Variants in TBC1D5 observed in about 807,000 individuals in gnomAD.
TBC1D5 encodes TBC1 domain family, member 5.
In TBC1D5, 75 loss-of-function variants were observed where a neutral mutation model predicts 100.3. That is an observed-to-expected ratio of 0.75 (90% CI 0.62 to 0.91). The LOEUF (loss-of-function observed/expected upper bound fraction) is 0.91, where lower values mean the gene tolerates loss of function less well. Among genes scored for constraint, TBC1D5 ranks in the 40% least tolerant of loss-of-function variants. The pLI, the probability that TBC1D5 is intolerant of heterozygous loss-of-function variation, is 0.00. For missense variants in TBC1D5, 910 were observed against 942.4 expected, an observed-to-expected ratio of 0.97 and a Z score of 0.45; for synonymous variants, 323 against 325.6, an observed-to-expected ratio of 0.99 and a Z score of 0.09.
chr3:17,384,498 T>C (rs1391422557), intron 8 of TBC1D5, among the ~76,000 whole-genome samples: 2 of 152,096 alleles, frequency 1.3e-5, no homozygotes, highest in Non-Finnish European at 2.9e-5. Flanking sequence ...CTTCTAAATA[T>C]TTATTTATAA....
intron 1 of TBC1D5, among the ~76,000 whole-genome samples, chr3:17,685,927 A>G (rs1359961488): frequency 2.0e-5 from 3 of 152,186 alleles, no homozygotes; most frequent in African/African-American, 7.2e-5. Context: ...TTCATTCACT[A>G]GTGGACAATG....
At chr3:17,331,801 A>G (rs982055995) in intron 13 of TBC1D5, among the ~76,000 whole-genome samples, 8 of 152,246 alleles carry the variant, frequency 5.3e-5, no homozygotes, top group African/African-American at 1.9e-4. Context: ...GTGGATAGAG[A>G]TGTTAAAGAA....
intron 2 of TBC1D5, among the ~76,000 whole-genome samples, chr3:17,516,272 C>CT (rs531539333): frequency 6.6e-6 from 1 of 152,078 alleles, no homozygotes; most frequent in Non-Finnish European, 1.5e-5. Flanking sequence ...CAAAAACATA[C>CT]TTTTTTATTA....
intron 3 of TBC1D5, among the ~76,000 whole-genome samples, chr3:17,433,198 G>A (rs2094475023): frequency 6.6e-6 from 1 of 152,204 alleles, no homozygotes; most frequent in Admixed American, 6.5e-5. Context: ...GACACAAGGT[G>A]CCTTTCTCTG....
At chr3:17,421,871 A>T (rs1360807798) in intron 4 of TBC1D5, among the ~76,000 whole-genome samples, 1 of 152,188 alleles carries the variant, frequency 6.6e-6, no homozygotes, top group Admixed American at 6.5e-5. Context: ...TCTTAAGAAC[A>T]TCTTAACATT....
chr3:17,181,561 G>A (rs2125438883), intron 19 of TBC1D5, among the ~76,000 whole-genome samples: 1 of 152,300 alleles, frequency 6.6e-6, no homozygotes, highest in South Asian at 2.1e-4. Flanking sequence ...GACAGGGCCT[G>A]GGTTCAACCC....
At chr3:17,461,000 T>C (rs1206435935) in intron 3 of TBC1D5, among the ~76,000 whole-genome samples, 2 of 152,160 alleles carry the variant, frequency 1.3e-5, no homozygotes, top group Non-Finnish European at 2.9e-5. Flanking sequence ...AAGATAACTG[T>C]GGTTGATCCA....
In TBC1D5 at chr3:17,242,133, T is replaced by C. The variant is rs183461381; in HGVS notation, c.1332-3714A>G. Among the ~76,000 whole-genome samples the C allele has an allele frequency of 9.1e-3, 1,391 of 152,308 alleles. 24 individuals carry two copies. The highest frequency in any genetic ancestry group is 0.031 in the African/African-American group (1,298 of 41,570). Reference sequence around the variant, plus strand: ...CAGCCTGGCTTTCTGACCCGCACTCTACTGAAAGAGCTTCTAGGGCCTCCA... The same window carrying C: ...CAGCCTGGCTTTCTGACCCGCACTCCACTGAAAGAGCTTCTAGGGCCTCCA... On this transcript the variant is annotated intron_variant, in intron 16 of 21. Transcript: ENST00000253692.
At chr3:17,639,716 A>G (rs1371655599) in intron 1 of TBC1D5, among the ~76,000 whole-genome samples, 2 of 152,166 alleles carry the variant, frequency 1.3e-5, no homozygotes, top group Non-Finnish European at 2.9e-5. Flanking sequence ...CTAAACTGCT[A>G]GAACACATCA....
rs533560469 is a variant in TBC1D5, at chr3:17,325,620, C to T, written c.996-17486G>A. Among the ~76,000 whole-genome samples, 7 of 152,098 alleles carry T rather than the reference C, an allele frequency of 4.6e-5. No individual in the cohort carries two copies. In the East Asian group the frequency reaches 5.8e-4, roughly 13 times the overall value. On this transcript the variant is annotated intron_variant, in intron 13 of 21. Transcript: ENST00000253692. Reference sequence around the variant, plus strand: ...TACAGGCATGAGCCACCGCGCCTGGCCCAATATGGATGAATCTTAAATGTA... The same window carrying T: ...TACAGGCATGAGCCACCGCGCCTGGTCCAATATGGATGAATCTTAAATGTA...
At chr3:17,737,535 GGGGGAGGT>G (rs1168164359) in intron 1 of TBC1D5, among the ~76,000 whole-genome samples, 1 of 152,162 alleles carries the variant, frequency 6.6e-6, no homozygotes, top group South Asian at 2.1e-4. Context: ...TTCTATAATG[GGGGGAGGT>G]GGCTCTTTTT....
chr3:17,510,174 C>A (rs188640134), intron 2 of TBC1D5, among the ~76,000 whole-genome samples: 65 of 152,078 alleles, frequency 4.3e-4, no homozygotes, highest in African/African-American at 1.4e-3. Context: ...ATGGTCTTCA[C>A]CTATGGAGGA....
chr3:17,406,173 C>T (rs964163404), intron 5 of TBC1D5, among the ~76,000 whole-genome samples: 5 of 152,014 alleles, frequency 3.3e-5, no homozygotes, highest in African/African-American at 1.2e-4. Flanking sequence ...GAATTTGGCA[C>T]CATCAAAACA....
chr3:17,525,555 TA>T (rs1300870001), intron 2 of TBC1D5, among the ~76,000 whole-genome samples: 3 of 152,202 alleles, frequency 2.0e-5, no homozygotes, highest in African/African-American at 7.2e-5. Flanking sequence ...CATTGTTTCT[TA>T]TTACATTACT....
At chr3:17,225,960 C>T (rs1247243123) in intron 17 of TBC1D5, among the ~76,000 whole-genome samples, 3 of 152,082 alleles carry the variant, frequency 2.0e-5, no homozygotes, top group South Asian at 4.2e-4. Context: ...AAACCCTATA[C>T]CATTTTATAT....
chr3:17,544,651 A>G (rs796679244), intron 2 of TBC1D5, among the ~76,000 whole-genome samples: 5 of 131,130 alleles, frequency 3.8e-5, no homozygotes, highest in African/African-American at 1.7e-4. Flanking sequence ...ACTCCGTCTG[A>G]AAAAAAAAAA....
chr3:17,408,268 AACACACACACACACACACAC>A (rs3041146), intron 4 of TBC1D5, among the ~76,000 whole-genome samples: 26 of 144,004 alleles, frequency 1.8e-4, no homozygotes, highest in African/African-American at 4.7e-4. Flanking sequence ...AAGACTATCC[AACACACACACACACACACAC>A]ACACACACAC....
intron 13 of TBC1D5, among the ~76,000 whole-genome samples, chr3:17,371,661 A>G (rs1318852845): frequency 3.3e-5 from 5 of 152,218 alleles, no homozygotes; most frequent in Non-Finnish European, 4.4e-5. Context: ...GAGATGTGAA[A>G]TAAAATGGAG....
chr3:17,697,051 A>G (rs1159930916), intron 1 of TBC1D5, among the ~76,000 whole-genome samples: 1 of 152,268 alleles, frequency 6.6e-6, no homozygotes, highest in Non-Finnish European at 1.5e-5. Flanking sequence ...ACAAAATTCA[A>G]CAGTATTTCA....
Sources: allele counts gnomAD v4.1 joint callset (sites outside exome capture counted in the v4.1 genomes callset), GRCh38; gene constraint gnomAD v4.1.1; transcripts MANE v1.5; gene names NCBI Gene and HGNC (gene_info 2026-07-23, HGNC 2026-07-21).